The following MTMR2 variants were observed in gnomAD, a reference collection of about 807,000 sequenced individuals.
The protein encoded by MTMR2 is phosphatidylinositol-3,5-bisphosphate 3-phosphatase MTMR2.
Under a neutral mutation model 86.9 loss-of-function variants are expected in MTMR2, and 55 were observed. The observed-to-expected ratio is 0.63, with a 90% CI of 0.51 to 0.79. The LOEUF (loss-of-function observed/expected upper bound fraction) is 0.79, where lower values mean the gene tolerates loss of function less well. Among genes scored for constraint, MTMR2 ranks in the 30% least tolerant of loss-of-function variants. MTMR2 has a pLI of 0.00. For synonymous variants in MTMR2, 241 were observed against 266.8 expected (o/e 0.90, Z 0.94); for missense variants, 659 against 772.3 (o/e 0.85, Z 1.74).
rs902619192 is a variant in MTMR2, at chr11:95,834,736, T to C, written c.*554A>G. 1 of 161,338 alleles carries C rather than the reference T, an allele frequency of 6.2e-6. No homozygotes were observed. The highest frequency in any genetic ancestry group is 1.4e-5 in the Non-Finnish European group (1 of 72,798). 10.0% of individuals were successfully genotyped at this position (161,338 alleles called of 1,614,324 possible). On this transcript the variant is annotated 3_prime_UTR_variant, in exon 15 of 15. Coordinates refer to ENST00000346299, the MANE Select transcript of MTMR2 (RefSeq NM_016156.6). ...TCAACTACTACCACACCGTAGTATC[T>C]TCAACACTTTGCCTTTTACTATATG...
At chr11:95,887,096 T>G (rs1194038112) in intron 2 of MTMR2, among the ~76,000 whole-genome samples, 1 of 152,218 alleles carries the variant, frequency 6.6e-6, no homozygotes, top group Non-Finnish European at 1.5e-5. Flanking sequence ...ATGACAAATA[T>G]GCAGAAGATT....
chr11:95,846,465 T>C (rs540430), intron 10 of MTMR2, among the ~76,000 whole-genome samples: 9,065 of 152,186 alleles, frequency 0.06, 876 homozygotes, highest in African/African-American at 0.2. Context: ...ATAGAAGTTA[T>C]AGGGAATGCT....
intron 13 of MTMR2, 126 bp from the exon 14 acceptor site, chr11:95,836,450 A>G: frequency 2.4e-6 from 2 of 837,522 alleles, no homozygotes; most frequent in South Asian, 2.8e-5. Flanking sequence ...TGGAGACTTC[A>G]GTGATAAACC....
At chr11:95,839,800 TTA>T (rs1462219381) in intron 12 of MTMR2, among the ~76,000 whole-genome samples, 1 of 152,066 alleles carries the variant, frequency 6.6e-6, no homozygotes, top group Non-Finnish European at 1.5e-5. Flanking sequence ...CTAACAAACA[TTA>T]TGACTAGTTA....
At chr11:95,888,710 CACACACACAT>C (rs1008988868) in intron 1 of MTMR2, among the ~76,000 whole-genome samples, 2 of 128,544 alleles carry the variant, frequency 1.6e-5, no homozygotes, top group African/African-American at 9.1e-5. Flanking sequence ...GAAACACATA[CACACACACAT>C]ACACACACAC....
intron 2 of MTMR2, among the ~76,000 whole-genome samples, chr11:95,878,126 T>G (rs978484096): frequency 4.7e-5 from 7 of 149,950 alleles, no homozygotes; most frequent in African/African-American, 1.5e-4. Context: ...AGAAATTAGC[T>G]ATCAAGCCAT....
In MTMR2 at chr11:95,871,769, T is replaced by C. The variant is rs190994213; in HGVS notation, c.187-6093A>G. On this transcript the variant is annotated intron_variant, in intron 2 of 14. Transcript: ENST00000346299. ...TGCAATTTGTCAATTTTGGCTTTTG[T>C]TGCCATTGCTTTTGCTGTTTTAGAC... is the stretch of plus-strand genomic sequence containing the variant. Among the ~76,000 whole-genome samples the C allele has an allele frequency of 4.5e-3, 690 of 152,342 alleles. 16 individuals carry two copies. Among genetic ancestry groups the C allele is most frequent in the Non-Finnish European group, 9.7e-4 (66 of 68,034 alleles).
intron 2 of MTMR2, among the ~76,000 whole-genome samples, chr11:95,871,187 C>A (rs551421340): frequency 6.6e-6 from 1 of 152,296 alleles, no homozygotes; most frequent in South Asian, 2.1e-4. Flanking sequence ...AATAGTGCCA[C>A]AATAAACATA....
At chr11:95,870,734 T>TC (rs1224750086) in intron 2 of MTMR2, among the ~76,000 whole-genome samples, 2 of 145,046 alleles carry the variant, frequency 1.4e-5, no homozygotes, top group African/African-American at 5.1e-5. Context: ...TTTTTTTCTT[T>TC]TTCTTTTTTT....
chr11:95,904,621 C>T (rs764821663), intron 1 of MTMR2, among the ~76,000 whole-genome samples: 10 of 152,228 alleles, frequency 6.6e-5, no homozygotes, highest in Non-Finnish European at 1.5e-4. Context: ...CTTACTGCTA[C>T]ACTCCCTCAA....
rs114403984 is a variant in MTMR2 at position 95,921,823 on chromosome 11, A to G, written c.80+2052T>C. Among the ~76,000 whole-genome samples, 358 of 152,314 alleles carry G rather than the reference A, an allele frequency of 2.4e-3. 1 individual carries two copies. Among genetic ancestry groups the G allele is most frequent in the African/African-American group, 8.0e-3 (331 of 41,572 alleles). On this transcript the variant is annotated intron_variant, in intron 1 of 14. Coordinates refer to ENST00000346299, the MANE Select transcript of MTMR2 (RefSeq NM_016156.6). ...GATTAGGCTAATCTACTATATCACA[A>G]TTCTCTCGAGGAGTACTTAATTTTC...
chr11:95,887,483 CTCAA>C (rs1407152009), intron 2 of MTMR2: 1 of 152,002 alleles, frequency 6.6e-6, no homozygotes, highest in African/African-American at 2.4e-5. Context: ...AATTCATTTT[CTCAA>C]TCATTCATAG....
At chr11:95,846,890 A>T (rs532651320) in intron 10 of MTMR2, among the ~76,000 whole-genome samples, 5 of 152,306 alleles carry the variant, frequency 3.3e-5, no homozygotes, top group Non-Finnish European at 7.4e-5. Context: ...TGGTCTATTT[A>T]AAATTCTTAT....
chr11:95,836,061 G>T, intron 14 of MTMR2, 87 bp downstream of exon 14: 2 of 1,286,872 alleles, frequency 1.6e-6, no homozygotes, highest in Non-Finnish European at 2.3e-6. Context: ...TTTTAAATAT[G>T]CACAGATAAT....
chr11:95,897,989 G>T (rs751806558), intron 1 of MTMR2, among the ~76,000 whole-genome samples: 70 of 152,108 alleles, frequency 4.6e-4, no homozygotes, highest in Non-Finnish European at 6.9e-4. Flanking sequence ...GTACTTTTCT[G>T]CCAACTTGAA....
intron 9 of MTMR2, 90 bp from the exon 10 acceptor site, chr11:95,847,989 A>C: frequency 7.9e-7 from 1 of 1,272,098 alleles, no homozygotes; most frequent in Non-Finnish European, 1.1e-6. Flanking sequence ...AAAAGATGAT[A>C]CATATTACTG....
intron 1 of MTMR2, among the ~76,000 whole-genome samples, chr11:95,898,490 G>C (rs1030546416): frequency 6.6e-6 from 1 of 151,880 alleles, no homozygotes; most frequent in African/African-American, 2.4e-5. Flanking sequence ...CACAAGCACA[G>C]CAACAGTGAG....
At chr11:95,914,278 T>C in intron 1 of MTMR2, 1 of 967,382 alleles carries the variant, frequency 1.0e-6, no homozygotes, top group Non-Finnish European at 1.2e-6. Context: ...TCACTTCTGA[T>C]GATCTTCAAA....
In MTMR2 at chr11:95,835,440, G is replaced by A. The variant is rs1863223859; in HGVS notation, c.1782C>T (p.His594=). 1 of 1,612,550 alleles carries A rather than the reference G, an allele frequency of 6.2e-7. No individual in the cohort carries two copies. The highest frequency in any genetic ancestry group is 8.5e-7 in the Non-Finnish European group (1 of 1,179,164). The change falls in exon 15 of 15, where the codon CAC becomes CAT. Residue 594 remains histidine (H), a synonymous_variant. Transcript: ENST00000346299. ...NPRMKPQEPI[H]NRYKELLAKR... is the part of the protein sequence containing the mutation. Reference sequence around the variant, plus strand: ...TAGCAAGAAGTTCTTTGTATCTGTTGTGAATAGGTTCCTGCAAGAGCAAAA... The same window carrying A: ...TAGCAAGAAGTTCTTTGTATCTGTTATGAATAGGTTCCTGCAAGAGCAAAA...
Sources: gnomAD v4.1 joint callset for allele counts (sites outside exome capture counted in the v4.1 genomes callset) on GRCh38, gnomAD v4.1.1 for gene constraint, MANE v1.5 for transcripts, NCBI Gene and HGNC (gene_info 2026-07-23, HGNC 2026-07-21) for gene names.